RASGRF1: variants seen among roughly 807,000 people sequenced by gnomAD.
The protein encoded by RASGRF1 is Ras protein specific guanine nucleotide releasing factor 1.
In RASGRF1, 40 loss-of-function variants were observed where a neutral mutation model predicts 138.7. The observed-to-expected ratio is 0.29, with a 90% CI of 0.22 to 0.38. RASGRF1 has a LOEUF of 0.38. RASGRF1 is among the 10% of genes least tolerant of loss of function. RASGRF1 has a pLI of 1.00. For synonymous variants in RASGRF1, 614 were observed against 663.2 expected (o/e 0.93, Z 1.14); for missense variants, 1,108 against 1,650.4 (o/e 0.67, Z 5.69).
At chr15:79,071,029 C>A (rs369631918) in intron 1 of RASGRF1, among the ~76,000 whole-genome samples, 3 of 152,240 alleles carry the variant, frequency 2.0e-5, no homozygotes, top group Admixed American at 6.5e-5. Context: ...TGGTCTCCAG[C>A]CCCGGGAGAG....
At chr15:79,017,373 A>C (rs902798957) in intron 12 of RASGRF1, among the ~76,000 whole-genome samples, 20 of 152,240 alleles carry the variant, frequency 1.3e-4, no homozygotes, top group Non-Finnish European at 2.8e-4. Flanking sequence ...TAATATGTTC[A>C]GACTTTTCTG....
chr15:78,970,621 C>CAAAAAAAAAAAAAAA (rs55689628), intron 26 of RASGRF1, among the ~76,000 whole-genome samples: 19 of 57,898 alleles, frequency 3.3e-4, no homozygotes, highest in East Asian at 8.3e-4. Context: ...GACTCTGTCT[C>CAAAAAAAAAAAAAAA]AAAAAAAAAA....
Position 79,035,117 on chromosome 15 carries a change from G to T in RASGRF1, c.958+14C>A, listed in dbSNP as rs760964774. On this transcript the variant is annotated intron_variant, in intron 6 of 26. Coordinates refer to ENST00000558480, the MANE Select transcript of RASGRF1 (RefSeq NM_001145648.3). ...GGACTTCTCTGGGGGCCGCAGTGAG[G>T]GCTGACTACTCACCCAGGACCAGCG... 44 of 1,606,770 alleles carry T rather than the reference G, an allele frequency of 2.7e-5. No homozygotes were observed. The highest frequency in any genetic ancestry group is 5.0e-5 in the Admixed American group (3 of 59,650).
chr15:79,054,371 C>A (rs758739881), intron 3 of RASGRF1, among the ~76,000 whole-genome samples: 4 of 152,132 alleles, frequency 2.6e-5, no homozygotes, highest in Non-Finnish European at 5.9e-5. Context: ...GTGGAGTGCC[C>A]CTCCATTCTG....
At chr15:79,048,103 T>C (rs780547082) in intron 4 of RASGRF1, among the ~76,000 whole-genome samples, 2 of 152,086 alleles carry the variant, frequency 1.3e-5, no homozygotes, top group Non-Finnish European at 2.9e-5. Flanking sequence ...ACCAGAATGC[T>C]CCAAATACAG....
At chr15:79,065,245 A>G (rs760696405) in intron 1 of RASGRF1, among the ~76,000 whole-genome samples, 6 of 152,290 alleles carry the variant, frequency 3.9e-5, no homozygotes, top group Non-Finnish European at 8.8e-5. Flanking sequence ...GGCACAGAGA[A>G]AGTCACCCAC....
chr15:78,994,553 C>T (rs1007678643), intron 20 of RASGRF1, among the ~76,000 whole-genome samples: 5 of 152,188 alleles, frequency 3.3e-5, no homozygotes, highest in African/African-American at 1.2e-4. Flanking sequence ...TATCCCCAGC[C>T]GCTGTGATGC....
At chr15:79,069,762 G>A (rs2057730191) in intron 1 of RASGRF1, among the ~76,000 whole-genome samples, 1 of 152,186 alleles carries the variant, frequency 6.6e-6, no homozygotes, top group South Asian at 2.1e-4. Context: ...GGTCCTTGAG[G>A]TGCCTGGGCT....
At chr15:79,071,749 C>T (rs1051868980) in intron 1 of RASGRF1, among the ~76,000 whole-genome samples, 7 of 152,114 alleles carry the variant, frequency 4.6e-5, no homozygotes, top group South Asian at 2.1e-4. Context: ...TCTTCCCTCC[C>T]CACTCTTCCC....
intron 13 of RASGRF1, among the ~76,000 whole-genome samples, chr15:79,013,487 A>G (rs2141755456): frequency 6.6e-6 from 1 of 152,350 alleles, no homozygotes; most frequent in Non-Finnish European, 1.5e-5. Flanking sequence ...GAAACAAAGG[A>G]TTTCACACAT....
intron 12 of RASGRF1, 29 bp downstream of exon 12, chr15:79,017,741 C>G (rs182554481): frequency 2.5e-6 from 4 of 1,583,974 alleles, no homozygotes; most frequent in Non-Finnish European, 3.4e-6. Flanking sequence ...AGGGACCACT[C>G]GCTTTCAGGA....
At chr15:79,030,946 A>C (rs1302620288) in intron 8 of RASGRF1, among the ~76,000 whole-genome samples, 5 of 152,284 alleles carry the variant, frequency 3.3e-5, no homozygotes, top group Non-Finnish European at 7.4e-5. Flanking sequence ...GGACAGGGGC[A>C]CTAGATTGGA....
chr15:79,059,384 C>CAA (rs1431269020), intron 2 of RASGRF1, among the ~76,000 whole-genome samples: 41 of 97,622 alleles, frequency 4.2e-4, no homozygotes, highest in Non-Finnish European at 5.8e-4. Flanking sequence ...CTTCCCTTCC[C>CAA]TTCCCTTCCC....
chr15:79,059,064 ACCTC>A (rs1278600848), intron 2 of RASGRF1, among the ~76,000 whole-genome samples: 1 of 151,016 alleles, frequency 6.6e-6, no homozygotes, highest in Non-Finnish European at 1.5e-5. Flanking sequence ...TGCTCTGCTA[ACCTC>A]CCTCCCTCCT....
intron 18 of RASGRF1, 178 bp from the exon 19 acceptor site, chr15:78,998,386 A>T: frequency 1.5e-6 from 1 of 645,682 alleles, no homozygotes; most frequent in South Asian, 1.8e-5. Context: ...AGGCCTAGAG[A>T]ATCTTAGATA....
chr15:79,005,525 C>T (rs919477119), intron 14 of RASGRF1: 2 of 985,478 alleles, frequency 2.0e-6, no homozygotes, highest in African/African-American at 1.7e-5. Flanking sequence ...CCATTAGGGG[C>T]CTGAGCCAAT....
rs938750608 is a variant in RASGRF1 at position 79,049,542 on chromosome 15, G to A, written c.578C>T (p.Thr193Ile). 3.0e-5 allele frequency: 48 copies of A among 1,614,008 alleles called. No individual in the cohort carries two copies. Among genetic ancestry groups the A allele is most frequent in the Admixed American group, 1.3e-4 (8 of 59,998 alleles). The change falls in exon 4 of 27, where the codon ACT becomes ATT. Residue 193 changes from threonine (T) to isoleucine (I), a missense_variant. By Grantham distance (89) the Thr-to-Ile change is moderately conservative. Coordinates refer to ENST00000558480, the MANE Select transcript of RASGRF1 (RefSeq NM_001145648.3). Reference sequence around the variant, plus strand: ...GCTGTCTTCATCGTTGGGGGCGACAGTCTGGGTGGACTGGATGCGCTCATT... The same window carrying A: ...GCTGTCTTCATCGTTGGGGGCGACAATCTGGGTGGACTGGATGCGCTCATT... ...KDNERIQSTQTVAPNDEDSDI... is the reference protein window; with the variant it reads ...KDNERIQSTQIVAPNDEDSDI...
intron 1 of RASGRF1, among the ~76,000 whole-genome samples, chr15:79,083,738 A>G (rs146543135): frequency 1.6e-4 from 25 of 152,290 alleles, no homozygotes; most frequent in African/African-American, 6.0e-4. Context: ...TTCTGCATGT[A>G]CTTGCTCTGT....
rs1317298893 is a variant in RASGRF1 at position 79,012,913 on chromosome 15, C to T, written c.1826+2414G>A. Among the ~76,000 whole-genome samples the T allele has an allele frequency of 2.0e-4, 31 of 152,176 alleles. 1 individual carries two copies. The highest frequency in any genetic ancestry group is 2.0e-3 in the Admixed American group (31 of 15,276). On this transcript the variant is annotated intron_variant, in intron 13 of 26. Transcript: ENST00000558480. ...GGTCAGGCTGGTCTTGGACTCCTGA[C>T]CTTAAGTGATCCACCCACCTCGGCC...
Sources: allele counts gnomAD v4.1 joint callset (sites outside exome capture counted in the v4.1 genomes callset), GRCh38; gene constraint gnomAD v4.1.1; transcripts MANE v1.5; gene names NCBI Gene and HGNC (gene_info 2026-07-23, HGNC 2026-07-21).